The following RPL28 variants were observed in gnomAD, a reference collection of about 807,000 sequenced individuals.
The protein encoded by RPL28 is large ribosomal subunit protein eL28.
RPL28 carries 4 observed loss-of-function variants against 12.5 expected under a neutral mutation model. That is an observed-to-expected ratio of 0.32 (90% CI 0.16 to 0.73). The LOEUF is 0.73. Among genes scored for constraint, RPL28 ranks in the 30% least tolerant of loss-of-function variants. The pLI is 0.66. For synonymous variants in RPL28, 91 were observed against 72.5 expected, an observed-to-expected ratio of 1.26 and a Z score of -1.30; for missense variants, 214 against 197.7, an observed-to-expected ratio of 1.08 and a Z score of -0.49.
In RPL28 at chr19:55,388,757, TG is replaced by T; in HGVS notation, c.*430del. 1 of 1,008,330 alleles carries T rather than the reference TG, an allele frequency of 9.9e-7. No individual in the cohort carries two copies. Among genetic ancestry groups the T allele is most frequent in the Non-Finnish European group, 1.2e-6 (1 of 845,702 alleles). The allele number at this position is 1,008,330 out of a possible 1,614,324, so 62.5% of individuals were successfully genotyped here. ...GGGGACTTGGGGTGTTCCCAAGACCTGGGGGACGACAGACATCACGGGAGGA... is the reference window on the plus strand; with the variant it reads ...GGGGACTTGGGGTGTTCCCAAGACCTGGGGACGACAGACATCACGGGAGGA... On this transcript the variant is annotated 3_prime_UTR_variant, in exon 5 of 5. Transcript: ENST00000344063.
chr19:55,386,469 GGGA>G lies in RPL28; in HGVS notation c.81+37_81+39del, dbSNP rs1439597406. On this transcript the variant is annotated intron_variant, in intron 2 of 4. Coordinates refer to ENST00000344063, the MANE Select transcript of RPL28 (RefSeq NM_000991.5). ...TGGGGCCCGGATGCGTGGCTCCTGC[GGGA>G]GGAGGGTCCTGAGTCTCTTGACTCT... 3 of 1,611,548 alleles carry G rather than the reference GGGA, an allele frequency of 1.9e-6. No homozygotes were observed. In the African/African-American group the frequency reaches 4.0e-5, roughly 22 times the overall value.
intron 4 of RPL28, chr19:55,401,273 A>G: frequency 1.2e-6 from 1 of 842,906 alleles, no homozygotes; most frequent in Non-Finnish European, 1.8e-6. Context: ...CATCTGTGAG[A>G]CACAGAAGCT....
At position 55,389,685 on chromosome 19, in the gene RPL28, TC is replaced by T. The variant is rs1459848711; in HGVS notation, c.*1354del. 16 of 985,588 alleles carry T rather than the reference TC, an allele frequency of 1.6e-5. No individual in the cohort carries two copies. Among genetic ancestry groups the T allele is most frequent in the Non-Finnish European group, 1.9e-5 (16 of 830,058 alleles). The allele number at this position is 985,588 out of a possible 1,614,324, so 61.1% of individuals were successfully genotyped here. A position where few individuals can be genotyped will look rare whatever the true frequency, so the allele number is the denominator to read the frequency against. On this transcript the variant is annotated 3_prime_UTR_variant, in exon 5 of 5. Coordinates refer to ENST00000344063, the MANE Select transcript of RPL28 (RefSeq NM_000991.5). Reference sequence around the variant, plus strand: ...CTTGCCCAGCTCGAAGGAGAGCAGATCTGACCACTTGCCAGCCCCTGTCTGC... The same window carrying T: ...CTTGCCCAGCTCGAAGGAGAGCAGATTGACCACTTGCCAGCCCCTGTCTGC...
In RPL28 at chr19:55,389,827, G is replaced by A; in HGVS notation, c.*1495G>A. The A allele has an allele frequency of 1.0e-6, 1 of 984,762 alleles. No homozygotes were observed. The highest frequency in any genetic ancestry group is 1.2e-6 in the Non-Finnish European group (1 of 829,406). 61.0% of individuals were successfully genotyped at this position (984,762 alleles called of 1,614,324 possible). ...GTACCTGCTCAGGACCCCCCGCACT[G>A]TCCCAATCCCACTCAGGCCCACCTC... On this transcript the variant is annotated 3_prime_UTR_variant, in exon 5 of 5. Coordinates refer to ENST00000344063, the MANE Select transcript of RPL28 (RefSeq NM_000991.5).
At chr19:55,396,514 TCCCCA>T (rs1569045589), downstream of RPL28, among the ~76,000 whole-genome samples, 18 of 552 alleles carry the variant, frequency 0.033, 2 homozygotes, top group African/African-American at 0.16. Context: ...TCCCCTCCCC[TCCCCA>T]CCCCTCCCCT....
downstream of RPL28, among the ~76,000 whole-genome samples, chr19:55,392,411 T>G (rs574264998): frequency 6.6e-6 from 1 of 152,234 alleles, no homozygotes; most frequent in Admixed American, 6.5e-5. Context: ...AAAAAGATAT[T>G]TTGTAGAGAC....
In RPL28 at chr19:55,388,280, A is replaced by G. The variant is rs749531974; in HGVS notation, c.362A>G (p.Gln121Arg). The change falls in exon 5 of 5, where the codon CAG (glutamine) becomes CGG (arginine). Residue 121 changes from glutamine to arginine, a missense_variant. Coordinates refer to ENST00000344063, the MANE Select transcript of RPL28 (RefSeq NM_000991.5). Reference protein sequence around the residue: ...IRRASAILRSQKPVMVKRKRT... With the variant: ...IRRASAILRSRKPVMVKRKRT... ...AGGGCCAGCGCCATCCTGCGCAGCC[A>G]GAAGCCTGTGATGGTGAAGAGGAAG... is the stretch of plus-strand genomic sequence containing the variant. The G allele has an allele frequency of 1.9e-6, 3 of 1,584,412 alleles. No homozygotes were observed. Among genetic ancestry groups the G allele is most frequent in the Non-Finnish European group, 2.6e-6 (3 of 1,165,874 alleles).
Position 55,399,156 on chromosome 19 carries a change from TTTTTC to T in RPL28, c.325-3763_325-3759del, listed in dbSNP as rs141233275. Among the ~76,000 whole-genome samples the T allele has an allele frequency of 4.4e-3, 666 of 151,002 alleles. 5 individuals carry two copies. Among genetic ancestry groups the T allele is most frequent in the East Asian group, 9.6e-3 (49 of 5,100 alleles). On this transcript the variant is annotated intron_variant, in intron 4 of 4. Transcript: ENST00000560055. ...CGCACACTACCATGCCTGGCTAATTTTTTTCTTTTCTTTTCTTTTCTTTTCTTTGA... is the reference window on the plus strand; with the variant it reads ...CGCACACTACCATGCCTGGCTAATTTTTTTCTTTTCTTTTCTTTTCTTTGA...
chr19:55,388,736 A>G lies in RPL28; in HGVS notation c.*404A>G. On this transcript the variant is annotated 3_prime_UTR_variant, in exon 5 of 5. Coordinates refer to ENST00000344063, the MANE Select transcript of RPL28 (RefSeq NM_000991.5). Reference sequence around the variant, plus strand: ...CCTGGTGCTGTAGCACGGTTTGGGGACTTGGGGTGTTCCCAAGACCTGGGG... The same window carrying G: ...CCTGGTGCTGTAGCACGGTTTGGGGGCTTGGGGTGTTCCCAAGACCTGGGG... The G allele has an allele frequency of 9.8e-7, 1 of 1,020,610 alleles. No homozygotes were observed. Among genetic ancestry groups the G allele is most frequent in the Non-Finnish European group, 1.2e-6 (1 of 853,836 alleles). 63.2% of individuals were successfully genotyped at this position (1,020,610 alleles called of 1,614,324 possible).
chr19:55,391,525 C>T lies in RPL28; in HGVS notation c.*3193C>T. 1 of 1,486,126 alleles carries T rather than the reference C, an allele frequency of 6.7e-7. No homozygotes were observed. The highest frequency in any genetic ancestry group is 9.1e-7 in the Non-Finnish European group (1 of 1,104,486). 92.1% of individuals were successfully genotyped at this position (1,486,126 alleles called of 1,614,324 possible). On this transcript the variant is annotated 3_prime_UTR_variant, in exon 5 of 5. Coordinates refer to ENST00000344063, the MANE Select transcript of RPL28 (RefSeq NM_000991.5). ...TCCAGACTCCCCACAGCAGCAGAGA[C>T]TCGGGACTGAGGCATCCTCTGTTCA...
rs2089994850 is a variant in RPL28, at chr19:55,392,039, T to C, written c.*3707T>C. ...TGCCCAGGAATGGTATCAATTCCCC[T>C]GTTTCTCTTGTAGCCAGTTACTAGA... On this transcript the variant is annotated 3_prime_UTR_variant, in exon 5 of 5. Transcript: ENST00000344063. 1 of 1,054,686 alleles carries C rather than the reference T, an allele frequency of 9.5e-7. No homozygotes were observed. The allele number at this position is 1,054,686 out of a possible 1,614,324, so 65.3% of individuals were successfully genotyped here.
intron 3 of RPL28, chr19:55,387,186 CT>C: frequency 7.3e-7 from 1 of 1,366,720 alleles, no homozygotes; most frequent in Non-Finnish European, 1.0e-6. Flanking sequence ...AGGTGCAGGC[CT>C]TTTTGGGGAT....
chr19:55,397,715 A>T lies in RPL28; in HGVS notation c.325-5228A>T, dbSNP rs1044096443. 1.1e-4 allele frequency among the ~76,000 whole-genome samples: 16 copies of T among 150,180 alleles called. 1 individual carries two copies. The highest frequency in any genetic ancestry group is 3.7e-4 in the African/African-American group (15 of 41,000). On this transcript the variant is annotated intron_variant, in intron 4 of 4. Coordinates refer to the RPL28 transcript ENST00000560055. ...TTAAACCTGTTGTGTATGTCCAAGT[A>T]CATGAGAGCTGGGCATGGTGGTGCG...
downstream of RPL28, among the ~76,000 whole-genome samples, chr19:55,395,936 C>T (rs557696371): frequency 1.3e-5 from 2 of 152,268 alleles, no homozygotes; most frequent in South Asian, 2.1e-4. Context: ...CCTTACATGA[C>T]TGGTAGTGTC....
Position 55,387,948 on chromosome 19 carries a change from C to T in RPL28, c.224C>T (p.Thr75Ile), listed in dbSNP as rs769354045. 7.6e-5 allele frequency: 120 copies of T among 1,582,600 alleles called. No homozygotes were observed. Among genetic ancestry groups the T allele is most frequent in the Non-Finnish European group, 9.7e-5 (113 of 1,163,278 alleles). ...KRRSGQRKPA[T>I]SYVRTTINKN... ...CAACCAGGCCAGCGGAAGCCTGCCA[C>T]CTCCTATGTGCGGACCACCATCAAC... The change falls in exon 4 of 5, where the codon ACC becomes ATC. Residue 75 changes from threonine (T) to isoleucine (I), a missense_variant. By Grantham distance (89) the Thr-to-Ile change is moderately conservative. Transcript: ENST00000344063.
chr19:55,387,604 C>T, intron 3 of RPL28: 1 of 1,401,000 alleles, frequency 7.1e-7, no homozygotes, highest in Non-Finnish European at 9.2e-7. Context: ...GCTGTTCATA[C>T]CCATTGCCAG....
At chr19:55,402,471 G>C (rs1280067456) in intron 4 of RPL28, among the ~76,000 whole-genome samples, 3 of 152,206 alleles carry the variant, frequency 2.0e-5, no homozygotes. Flanking sequence ...GCAGAGGTGT[G>C]ACCTGCAGCC....
rs2089977562 is a variant in RPL28 at position 55,390,216 on chromosome 19, T to G, written c.*1884T>G. On this transcript the variant is annotated 3_prime_UTR_variant, in exon 5 of 5. Transcript: ENST00000344063. ...CCTGAGAGTTTGCTCACTGGAGACT[T>G]TCTGGAGATGGAGTCTCGCTCTGTT... 1.0e-6 allele frequency: 1 copy of G among 984,580 alleles called. No individual in the cohort carries two copies. Among genetic ancestry groups the G allele is most frequent in the Non-Finnish European group, 1.2e-6 (1 of 829,280 alleles). The allele number at this position is 984,580 out of a possible 1,614,324, so 61.0% of individuals were successfully genotyped here.
At chr19:55,399,766 T>C (rs2090044051) in intron 4 of RPL28, 1 of 152,322 alleles carries the variant, frequency 6.6e-6, no homozygotes, top group East Asian at 1.9e-4. Context: ...ATTATTTTTA[T>C]TATGCACTTC....
Sources: gnomAD v4.1 joint callset for allele counts (sites outside exome capture counted in the v4.1 genomes callset) on GRCh38, gnomAD v4.1.1 for gene constraint, MANE v1.5 for transcripts, NCBI Gene and HGNC (gene_info 2026-07-23, HGNC 2026-07-21) for gene names.